The following PDZRN4 variants were observed in gnomAD, a reference collection of about 807,000 sequenced individuals.
PDZRN4 encodes PDZ domain containing ring finger 4, also known as PDZ domain-containing RING finger protein 4.
A neutral mutation model predicts 99.0 loss-of-function variants in PDZRN4; 70 were observed. That is an observed-to-expected ratio of 0.71 (90% CI 0.58 to 0.86). PDZRN4 has a LOEUF of 0.86. PDZRN4 is among the 40% of genes least tolerant of loss of function. The pLI, the probability that PDZRN4 is intolerant of heterozygous loss-of-function variation, is 0.00. For synonymous variants in PDZRN4, 551 were observed against 501.6 expected, an observed-to-expected ratio of 1.10 and a Z score of -1.32; for missense variants, 1,474 against 1,331.2, an observed-to-expected ratio of 1.11 and a Z score of -1.67.
intron 3 of PDZRN4, among the ~76,000 whole-genome samples, chr12:41,378,388 G>T (rs1171960912): frequency 1.3e-5 from 2 of 151,982 alleles, no homozygotes; most frequent in Non-Finnish European, 2.9e-5. Flanking sequence ...GCTGTATTTT[G>T]AGAATTTTTG....
At chr12:41,320,866 C>T (rs1001764902) in intron 3 of PDZRN4, among the ~76,000 whole-genome samples, 1 of 151,964 alleles carries the variant, frequency 6.6e-6, no homozygotes, top group Non-Finnish European at 1.5e-5. Context: ...AGAAATCACA[C>T]CACAAAATTA....
chr12:41,509,232 T>C (rs530000391), intron 4 of PDZRN4, among the ~76,000 whole-genome samples: 3 of 152,236 alleles, frequency 2.0e-5, no homozygotes, highest in South Asian at 4.1e-4. Context: ...TCTTTAATAT[T>C]TGTGTATATG....
intron 3 of PDZRN4, among the ~76,000 whole-genome samples, chr12:41,487,010 C>T (rs1470658022): frequency 1.3e-5 from 2 of 152,108 alleles, no homozygotes; most frequent in African/African-American, 4.8e-5. Flanking sequence ...ACACTGACCA[C>T]AAAAGAAATA....
intron 3 of PDZRN4, among the ~76,000 whole-genome samples, chr12:41,221,554 C>T (rs1352120652): frequency 1.3e-5 from 2 of 151,516 alleles, no homozygotes; most frequent in Non-Finnish European, 2.9e-5. Flanking sequence ...CAAAATGTCA[C>T]AAAAAGGAAA....
chr12:41,511,233 T>C (rs1251559380), intron 5 of PDZRN4, among the ~76,000 whole-genome samples: 5 of 151,972 alleles, frequency 3.3e-5, no homozygotes, highest in Non-Finnish European at 5.9e-5. Context: ...TAGGGGAAGA[T>C]TGTTTAGGCT....
chr12:41,536,909 T>C (rs1938758442), intron 5 of PDZRN4, among the ~76,000 whole-genome samples: 1 of 152,196 alleles, frequency 6.6e-6, no homozygotes, highest in Non-Finnish European at 1.5e-5. Context: ...TTAGCAGGCA[T>C]GTTTTTCATA....
At chr12:41,552,610 A>T in intron 5 of PDZRN4, 46 bp from the exon 6 acceptor site, 1 of 1,457,910 alleles carries the variant, frequency 6.9e-7, no homozygotes, top group Non-Finnish European at 9.6e-7. Context: ...TCTGTTGCAG[A>T]TTTTCTCTCT....
Position 41,422,863 on chromosome 12 carries a change from A to G in PDZRN4, c.844-83593A>G, listed in dbSNP as rs80303847. ...GTAATATGTGTGTGTGTGTACACAC[A>G]TATGCACACACAATGGAAATTTCTT... On this transcript the variant is annotated intron_variant, in intron 3 of 9. Transcript: ENST00000402685. 7.2e-5 allele frequency among the ~76,000 whole-genome samples: 11 copies of G among 152,324 alleles called. No homozygotes were observed. The East Asian group carries it at 1.2e-3, about 16-fold the overall frequency.
chr12:41,473,751 C>T (rs1295687237), intron 3 of PDZRN4, among the ~76,000 whole-genome samples: 7 of 152,220 alleles, frequency 4.6e-5, no homozygotes, highest in African/African-American at 1.4e-4. Context: ...TTTGTCTCTA[C>T]CTCTTATATC....
chr12:41,440,235 C>A (rs1952666887), intron 3 of PDZRN4, among the ~76,000 whole-genome samples: 1 of 152,108 alleles, frequency 6.6e-6, no homozygotes, highest in Non-Finnish European at 1.5e-5. Context: ...ATTCTCAGAT[C>A]ATTTGCCTTT....
chr12:41,399,954 C>T (rs913188696), intron 3 of PDZRN4, among the ~76,000 whole-genome samples: 3 of 151,738 alleles, frequency 2.0e-5, no homozygotes, highest in Admixed American at 6.6e-5. Context: ...AAAAAGGGGG[C>T]TGGGGGGATG....
intron 3 of PDZRN4, among the ~76,000 whole-genome samples, chr12:41,444,383 A>T (rs1952705507): frequency 6.6e-6 from 1 of 152,042 alleles, no homozygotes; most frequent in Non-Finnish European, 1.5e-5. Context: ...TGAGCTTAAG[A>T]GCTCCCTGTA....
chr12:41,406,081 T>C (rs1245943010), intron 3 of PDZRN4, among the ~76,000 whole-genome samples: 1 of 151,296 alleles, frequency 6.6e-6, no homozygotes, highest in Admixed American at 6.6e-5. Flanking sequence ...TAAATACATA[T>C]TTAAAACTAA....
At chr12:41,368,428 T>C (rs1045825656) in intron 3 of PDZRN4, among the ~76,000 whole-genome samples, 1 of 152,278 alleles carries the variant, frequency 6.6e-6, no homozygotes, top group African/African-American at 2.4e-5. Flanking sequence ...CAAACTCATG[T>C]ACATGAGAGA....
At chr12:41,534,926 G>C (rs1163992256) in intron 5 of PDZRN4, among the ~76,000 whole-genome samples, 1 of 150,492 alleles carries the variant, frequency 6.6e-6, no homozygotes, top group Non-Finnish European at 1.5e-5. Flanking sequence ...TTATTTCTTT[G>C]TGTCTTTGTG....
intron 3 of PDZRN4, among the ~76,000 whole-genome samples, chr12:41,366,205 T>C (rs1951999535): frequency 6.6e-6 from 1 of 152,114 alleles, no homozygotes; most frequent in African/African-American, 2.4e-5. Flanking sequence ...AAATAAATCC[T>C]CCTTTTAAAA....
intron 3 of PDZRN4, among the ~76,000 whole-genome samples, chr12:41,419,759 G>T (rs751197352): frequency 6.6e-6 from 1 of 152,010 alleles, no homozygotes; most frequent in Non-Finnish European, 1.5e-5. Context: ...AGTCTATATC[G>T]GTTCAAATTG....
At chr12:41,450,379 TAA>T (rs1030814257) in intron 3 of PDZRN4, among the ~76,000 whole-genome samples, 9 of 152,218 alleles carry the variant, frequency 5.9e-5, no homozygotes, top group African/African-American at 2.2e-4. Context: ...GGGTGGAAGT[TAA>T]GTTACTGCTT....
At chr12:41,286,365 T>A (rs1951423025) in intron 3 of PDZRN4, among the ~76,000 whole-genome samples, 10 of 146,212 alleles carry the variant, frequency 6.8e-5, no homozygotes. Flanking sequence ...TTTTTGTTGT[T>A]GTTGTTTTTG....
Sources: gnomAD v4.1 joint callset for allele counts (sites outside exome capture counted in the v4.1 genomes callset) on GRCh38, gnomAD v4.1.1 for gene constraint, MANE v1.5 for transcripts, NCBI Gene and HGNC (gene_info 2026-07-23, HGNC 2026-07-21) for gene names.